Variants in PMFBP1 observed in about 807,000 individuals in gnomAD.
PMFBP1 encodes the protein polyamine-modulated factor 1-binding protein 1.
PMFBP1 carries 131 observed loss-of-function variants against 137.8 expected under a neutral mutation model. The observed-to-expected ratio is 0.95, with a 90% CI of 0.82 to 1.10. The LOEUF (loss-of-function observed/expected upper bound fraction) is 1.10, where lower values mean the gene tolerates loss of function less well. Ranked by LOEUF, PMFBP1 falls within the 50% of genes least tolerant of loss-of-function variation. The pLI is 0.00. For missense variants in PMFBP1, 1,199 were observed against 1,175.4 expected (o/e 1.02, Z -0.29); for synonymous variants, 490 against 450.4 (o/e 1.09, Z -1.11).
rs370732631 is a variant in PMFBP1, at chr16:72,154,252, G to A, written c.373C>T (p.Leu125=). 161 of 1,613,982 alleles carry A rather than the reference G, an allele frequency of 1.0e-4. No individual in the cohort carries two copies. The highest frequency in any genetic ancestry group is 1.2e-4 in the Non-Finnish European group (145 of 1,180,002). The change falls in exon 4 of 21, where the codon CTG becomes TTG. Residue 125 remains leucine, a synonymous_variant. Transcript: ENST00000237353. Reference sequence around the variant, plus strand: ...TTGCAGTGATGGTGCAGAAGAACCAGGTCGGAAGTCTGCTTCTCTAGGATG... The same window carrying A: ...TTGCAGTGATGGTGCAGAAGAACCAAGTCGGAAGTCTGCTTCTCTAGGATG... ...QSILEKQTSD[L]VLLHHHCKLK... is the part of the protein sequence containing the mutation.
At chr16:72,218,304 T>C in the PMFBP1 span, among the ~76,000 whole-genome samples, 3 of 152,308 alleles carry the variant, frequency 2.0e-5, no homozygotes, top group Admixed American at 2.0e-4. Context: ...AAAAACTATA[T>C]TTCCCAGACT....
the PMFBP1 span, among the ~76,000 whole-genome samples, chr16:72,237,645 A>T: frequency 6.5e-4 from 99 of 151,782 alleles, no homozygotes; most frequent in African/African-American, 2.0e-3. Context: ...TCTTTTTTTT[A>T]AAAAAACTTT....
intron 9 of PMFBP1, among the ~76,000 whole-genome samples, chr16:72,135,585 T>G (rs1470062755): frequency 6.6e-6 from 1 of 151,932 alleles, no homozygotes; most frequent in Non-Finnish European, 1.5e-5. Context: ...TAAAAAAGCT[T>G]GCATTGGTTT....
At chr16:72,214,288 G>A in the PMFBP1 span, among the ~76,000 whole-genome samples, 2 of 151,818 alleles carry the variant, frequency 1.3e-5, no homozygotes, top group African/African-American at 4.8e-5. Flanking sequence ...TCTGCCTCCC[G>A]GGTTCACACC....
At chr16:72,191,940 G>A in the PMFBP1 span, among the ~76,000 whole-genome samples, 1 of 152,204 alleles carries the variant, frequency 6.6e-6, no homozygotes, top group Non-Finnish European at 1.5e-5. Flanking sequence ...TCCCCACTCT[G>A]TAGCTAATAC....
the PMFBP1 span, among the ~76,000 whole-genome samples, chr16:72,230,638 C>T: frequency 6.6e-6 from 1 of 152,120 alleles, no homozygotes; most frequent in Non-Finnish European, 1.5e-5. Flanking sequence ...TTACCCCAAG[C>T]CAAACACTTG....
chr16:72,165,152 G>A lies in PMFBP1; in HGVS notation c.13-236C>T, dbSNP rs112462241. ...TTAATTAAATCTTCACCACACTGCTGGGGGTGCACAACAGACAATTCCCCT... is the reference window on the plus strand; with the variant it reads ...TTAATTAAATCTTCACCACACTGCTAGGGGTGCACAACAGACAATTCCCCT... On this transcript the variant is annotated intron_variant, in intron 2 of 20. Coordinates refer to ENST00000237353, the MANE Select transcript of PMFBP1 (RefSeq NM_031293.3). 3.5e-3 allele frequency among the ~76,000 whole-genome samples: 533 copies of A among 152,262 alleles called. 4 individuals are homozygous for A. Among genetic ancestry groups the A allele is most frequent in the Non-Finnish European group, 5.7e-3 (388 of 68,010 alleles).
intron 2 of PMFBP1, among the ~76,000 whole-genome samples, chr16:72,165,456 C>T (rs988640473): frequency 1.3e-5 from 2 of 151,212 alleles, no homozygotes; most frequent in Non-Finnish European, 2.9e-5. Context: ...GCTCTATTGC[C>T]CAGGCTGAAG....
chr16:72,216,025 T>C, the PMFBP1 span, among the ~76,000 whole-genome samples: 4 of 152,238 alleles, frequency 2.6e-5, no homozygotes, highest in African/African-American at 9.6e-5. Flanking sequence ...TGCATGTAAG[T>C]GGGATCATGT....
chr16:72,239,901 G>GAA, the PMFBP1 span, among the ~76,000 whole-genome samples: 8 of 87,808 alleles, frequency 9.1e-5, no homozygotes, highest in Admixed American at 2.3e-4. Flanking sequence ...AAAAAAAAAA[G>GAA]AAAAAAAAAA....
chr16:72,175,954 A>C (rs1161944748), upstream of PMFBP1, among the ~76,000 whole-genome samples: 1 of 152,236 alleles, frequency 6.6e-6, no homozygotes. Flanking sequence ...CTTGGTGTGC[A>C]GAGGCTTGGC....
chr16:72,161,146 G>A (rs1386647613), intron 3 of PMFBP1, among the ~76,000 whole-genome samples: 1 of 146,308 alleles, frequency 6.8e-6, no homozygotes, highest in Non-Finnish European at 1.5e-5. Flanking sequence ...TGCCAAGGCT[G>A]GAGTGAAGTG....
the PMFBP1 span, among the ~76,000 whole-genome samples, chr16:72,194,990 G>A: frequency 6.6e-6 from 1 of 152,202 alleles, no homozygotes; most frequent in Non-Finnish European, 1.5e-5. Context: ...CTGACAGTTT[G>A]TGGACCTGGG....
the PMFBP1 span, among the ~76,000 whole-genome samples, chr16:72,215,020 G>A: frequency 6.6e-6 from 1 of 152,090 alleles, no homozygotes; most frequent in Admixed American, 6.6e-5. Context: ...ATTAGACATG[G>A]CTGAAGTGAG....
chr16:72,171,383 T>C lies in PMFBP1; in HGVS notation c.-60-115A>G, dbSNP rs973942483. 17 of 631,064 alleles carry C rather than the reference T, an allele frequency of 2.7e-5. 1 individual carries two copies. Among genetic ancestry groups the C allele is most frequent in the Middle Eastern group, 4.4e-4 (1 of 2,274 alleles). The allele number at this position is 631,064 out of a possible 1,614,324, so 39.1% of individuals were successfully genotyped here. ...AGAGGTTTGGAAAATTTTCCTGAACTGTTAGCAATACCCACTTGCTTACCC... is the reference window on the plus strand; with the variant it reads ...AGAGGTTTGGAAAATTTTCCTGAACCGTTAGCAATACCCACTTGCTTACCC... On this transcript the variant is annotated intron_variant, in intron 1 of 20. Transcript: ENST00000237353.
rs1219027134 is a variant in PMFBP1, at chr16:72,130,629, T to C, written c.1541A>G (p.Asp514Gly). 1 of 1,613,814 alleles carries C rather than the reference T, an allele frequency of 6.2e-7. No homozygotes were observed. The highest frequency in any genetic ancestry group is 8.5e-7 in the Non-Finnish European group (1 of 1,179,974). ...QRKLQKGLLL[D>G]KQKADTIQEL... The stretch of plus-strand genomic sequence containing the variant: ...CTGGATGGTGTCTGCCTTCTGCTTG[T>C]CCAGGAGGAGACCCTTCTGCAGTTT... Residue 514 changes from aspartate (D) to glycine (G), a missense_variant, in exon 11 of 21, where the codon GAC (aspartate) becomes GGC (glycine). Asp to Gly is a moderately conservative substitution (Grantham distance 94, BLOSUM62 -1). Transcript: ENST00000237353.
chr16:72,150,906 T>C (rs1270454310), intron 4 of PMFBP1, 77 bp from the exon 5 acceptor site: 1 of 1,275,748 alleles, frequency 7.8e-7, no homozygotes, highest in African/African-American at 1.5e-5. Flanking sequence ...TAAGATTCCC[T>C]GCAGAGAAGT....
chr16:72,183,146 T>C, the PMFBP1 span, among the ~76,000 whole-genome samples: 15 of 152,344 alleles, frequency 9.8e-5, no homozygotes, highest in South Asian at 2.3e-3. Context: ...CCTTATACCA[T>C]GGTCACAGCT....
the PMFBP1 span, among the ~76,000 whole-genome samples, chr16:72,183,488 T>C: frequency 6.6e-6 from 1 of 152,186 alleles, no homozygotes; most frequent in Non-Finnish European, 1.5e-5. Context: ...CCTTCATCTT[T>C]ACATGGTGTT....
Sources: gnomAD v4.1 joint callset for allele counts (sites outside exome capture counted in the v4.1 genomes callset) on GRCh38, gnomAD v4.1.1 for gene constraint, MANE v1.5 for transcripts, NCBI Gene and HGNC (gene_info 2026-07-23, HGNC 2026-07-21) for gene names.